The following NR2F1-AS1 variants were observed in gnomAD, a reference collection of about 807,000 sequenced individuals.
NR2F1-AS1 encodes the protein NR2F1 regulatory antisense RNA 1.
chr5:93,415,592 T>G (rs897003571), intron 4 of NR2F1-AS1, among the ~76,000 whole-genome samples: 1 of 152,220 alleles, frequency 6.6e-6, no homozygotes, highest in African/African-American at 2.4e-5. Flanking sequence ...AACTCTTATA[T>G]GTAGAACCAC....
chr5:93,572,641 C>T (rs1054755511), intron 1 of NR2F1-AS1, among the ~76,000 whole-genome samples: 6 of 152,254 alleles, frequency 3.9e-5, no homozygotes, highest in African/African-American at 1.4e-4. Context: ...CAAACACCAC[C>T]AGCGCCGTTA....
In NR2F1-AS1 at chr5:93,489,684, T is replaced by C. The variant is rs76909185; in HGVS notation, n.638+64077A>G. Among the ~76,000 whole-genome samples, 369 of 152,282 alleles carry C rather than the reference T, an allele frequency of 2.4e-3. 2 individuals carry two copies. The highest frequency in any genetic ancestry group is 8.3e-3 in the African/African-American group (345 of 41,572). ...TAAAAGAAACCTCTAAAAAGCACTA[T>C]GCCTTTGCTCAAAAAAGCCATTTGT... On this transcript the variant is annotated intron_variant and non_coding_transcript_variant, in intron 4 of 5. Transcript: ENST00000660523.
At chr5:93,559,490 T>A (rs1003066069) in intron 2 of NR2F1-AS1, among the ~76,000 whole-genome samples, 4 of 152,360 alleles carry the variant, frequency 2.6e-5, no homozygotes, top group Non-Finnish European at 5.9e-5. Context: ...TTCAAAAACT[T>A]CCTTTGCTTC....
At chr5:93,411,075 A>C (rs925547297) in intron 4 of NR2F1-AS1, 4 of 152,216 alleles carry the variant, frequency 2.6e-5, no homozygotes, top group Non-Finnish European at 5.9e-5. Flanking sequence ...CAGCAGAAGA[A>C]AAACAATGTA....
chr5:93,447,001 T>C (rs1299473193), intron 4 of NR2F1-AS1, among the ~76,000 whole-genome samples: 1 of 152,206 alleles, frequency 6.6e-6, no homozygotes. Context: ...GCTAGCCATA[T>C]GTAGAAAGCT....
chr5:93,444,521 C>T (rs2149853928), intron 4 of NR2F1-AS1, among the ~76,000 whole-genome samples: 2 of 152,182 alleles, frequency 1.3e-5, no homozygotes, highest in Middle Eastern at 3.4e-3. Context: ...ATATATGCAC[C>T]CAACAGAGGA....
At chr5:93,562,195 A>AAAAAAAAAAAAAAAAAG (rs755007063) in intron 2 of NR2F1-AS1, among the ~76,000 whole-genome samples, 2 of 136,662 alleles carry the variant, frequency 1.5e-5, no homozygotes, top group Non-Finnish European at 3.0e-5. Context: ...AAAAAAAAAA[A>AAAAAAAAAAAAAAAAAG]AAAAGAAAAG....
intron 2 of NR2F1-AS1, among the ~76,000 whole-genome samples, chr5:93,555,261 A>G (rs1174336043): frequency 1.3e-5 from 2 of 152,122 alleles, no homozygotes; most frequent in African/African-American, 4.8e-5. Context: ...CTACTATAAT[A>G]CTCTGTAACC....
intron 1 of NR2F1-AS1, chr5:93,580,455 T>A (rs1752998506): frequency 6.6e-6 from 1 of 152,328 alleles, no homozygotes; most frequent in South Asian, 2.1e-4. Context: ...CGACAACCAT[T>A]ATGTTACTTG....
intron 4 of NR2F1-AS1, among the ~76,000 whole-genome samples, chr5:93,464,045 G>C (rs1316644451): frequency 3.3e-5 from 5 of 152,120 alleles, no homozygotes; most frequent in African/African-American, 4.8e-5. Flanking sequence ...TTTCGGAGGG[G>C]CCAGAGGTGG....
intron 4 of NR2F1-AS1, among the ~76,000 whole-genome samples, chr5:93,531,337 G>A (rs921826546): frequency 5.9e-5 from 9 of 152,044 alleles, no homozygotes; most frequent in African/African-American, 1.9e-4. Flanking sequence ...GTTCTAAAAC[G>A]AAGGAAGAAA....
Position 93,429,953 on chromosome 5 carries a change from C to T in NR2F1-AS1, n.639-34411G>A, listed in dbSNP as rs62369924. ...ATGAATATAAGTACATAATATATAC[C>T]TTCTTGTGTCTCTAAATTTTTCTAT... On this transcript the variant is annotated intron_variant and non_coding_transcript_variant, in intron 4 of 5. Transcript: ENST00000660523. Among the ~76,000 whole-genome samples, 1,503 of 152,214 alleles carry T rather than the reference C, an allele frequency of 9.9e-3. 13 individuals carry two copies. Among genetic ancestry groups the T allele is most frequent in the Non-Finnish European group, 0.013 (905 of 68,008 alleles).
chr5:93,513,786 A>T (rs984865669), intron 4 of NR2F1-AS1, among the ~76,000 whole-genome samples: 4 of 152,124 alleles, frequency 2.6e-5, no homozygotes, highest in African/African-American at 7.2e-5. Context: ...AAACTTGCAC[A>T]TGTAACCCTG....
At chr5:93,410,322 G>C (rs1748827102) in intron 4 of NR2F1-AS1, 1 of 152,178 alleles carries the variant, frequency 6.6e-6, no homozygotes, top group Non-Finnish European at 1.5e-5. Context: ...TCTTCTTCAT[G>C]CTAATAACTC....
intron 4 of NR2F1-AS1, among the ~76,000 whole-genome samples, chr5:93,411,838 G>A (rs1748864068): frequency 1.3e-5 from 2 of 152,100 alleles, no homozygotes; most frequent in Admixed American, 6.5e-5. Flanking sequence ...AGCCCCACTC[G>A]AGGTCCCAGG....
intron 4 of NR2F1-AS1, among the ~76,000 whole-genome samples, chr5:93,462,967 A>G (rs1490613788): frequency 1.3e-5 from 2 of 152,234 alleles, no homozygotes; most frequent in Admixed American, 1.3e-4. Flanking sequence ...CATGATAGAA[A>G]AGAAAACCCC....
intron 4 of NR2F1-AS1, among the ~76,000 whole-genome samples, chr5:93,501,517 C>A (rs928061052): frequency 4.0e-5 from 6 of 151,870 alleles, no homozygotes; most frequent in African/African-American, 1.5e-4. Context: ...CCATACCCAG[C>A]TAATTTTTGT....
chr5:93,438,218 T>C (rs1347718871), intron 4 of NR2F1-AS1, among the ~76,000 whole-genome samples: 2 of 152,222 alleles, frequency 1.3e-5, no homozygotes. Context: ...CTTTGAGTAA[T>C]AAACTGTCTA....
intron 4 of NR2F1-AS1, among the ~76,000 whole-genome samples, chr5:93,480,045 T>C (rs1561459758): frequency 6.6e-6 from 1 of 151,956 alleles, no homozygotes; most frequent in South Asian, 2.1e-4. Context: ...TTATAGGACA[T>C]CATCAAGTGC....
Sources: allele counts gnomAD v4.1 joint callset (sites outside exome capture counted in the v4.1 genomes callset), GRCh38; gene constraint gnomAD v4.1.1; transcripts MANE v1.5; gene names NCBI Gene and HGNC (gene_info 2026-07-23, HGNC 2026-07-21).